Variants in HECW1 observed in about 807,000 individuals in gnomAD.
HECW1 encodes the protein HECT, C2 and WW domain containing E3 ubiquitin protein ligase 1.
Under a neutral mutation model 182.3 loss-of-function variants are expected in HECW1, and 61 were observed. That is an observed-to-expected ratio of 0.33 (90% confidence interval 0.27 to 0.41). The LOEUF (loss-of-function observed/expected upper bound fraction) is 0.41. HECW1 is among the 10% of genes least tolerant of loss of function. The probability of loss-of-function intolerance (pLI) is 1.00; values close to 1 mark genes in which losing one functional copy is unlikely to be tolerated. For missense variants in HECW1, 1,739 were observed against 2,108.9 expected (o/e 0.82, Z 3.44); for synonymous variants, 859 against 832.6 (o/e 1.03, Z -0.55).
In HECW1 at chr7:43,445,110, G is replaced by A. The variant is rs2077006119; in HGVS notation, c.1938G>A (p.Gln646=). ...CCAGCCTGGCCAATGGCGCGGCCCA[G>A]GATGGCGACACGCACCCCAGCACCG... ...HFPSLANGAA[Q]DGDTHPSTGS... The change falls in exon 11 of 30, where the codon CAG becomes CAA. Residue 646 remains glutamine, a synonymous_variant. Coordinates refer to ENST00000395891, the MANE Select transcript of HECW1 (RefSeq NM_015052.5). 1 of 1,607,700 alleles carries A rather than the reference G, an allele frequency of 6.2e-7. No individual in the cohort carries two copies. Among genetic ancestry groups the A allele is most frequent in the African/African-American group, 1.3e-5 (1 of 75,020 alleles).
chr7:43,188,093 T>A (rs1793575841), intron 2 of HECW1, among the ~76,000 whole-genome samples: 2 of 152,224 alleles, frequency 1.3e-5, no homozygotes. Flanking sequence ...GGATGTTCTC[T>A]GGGCACAGGG....
intron 2 of HECW1, chr7:43,239,771 C>T (rs1053136295): frequency 6.6e-6 from 1 of 152,162 alleles, no homozygotes; most frequent in African/African-American, 2.4e-5. Context: ...ATCACAAGCC[C>T]CCTTTGAGGA....
At chr7:43,456,002 AAAAG>A (rs1163171189) in intron 12 of HECW1, among the ~76,000 whole-genome samples, 1 of 152,186 alleles carries the variant, frequency 6.6e-6, no homozygotes, top group Non-Finnish European at 1.5e-5. Flanking sequence ...CTCTGTCTCA[AAAAG>A]AAAAAAAAAA....
At chr7:43,261,498 A>G (rs116580078) in intron 3 of HECW1, among the ~76,000 whole-genome samples, 2,077 of 152,170 alleles carry the variant, frequency 0.014, 49 homozygotes, top group African/African-American at 0.047. Context: ...GGCAGTTTAA[A>G]CCCTTGGGGG....
chr7:43,550,359 A>T (rs1392486254), intron 26 of HECW1, 86 bp from the exon 27 acceptor site: 5 of 1,464,942 alleles, frequency 3.4e-6, no homozygotes, highest in Non-Finnish European at 4.7e-6. Flanking sequence ...GATTTTTGGC[A>T]TACGGTCATC....
Position 43,396,864 on chromosome 7 carries a change from G to T in HECW1, c.606G>T (p.Arg202=). ...AGACCGTCCAAGGACAAGGAAGTCG[G>T]AGGCTGATCAGCTTCTCTCTCTCAG... ...ADETVQGQGS[R]RLISFSLSDF... Residue 202 remains arginine, a synonymous_variant, in exon 7 of 30, where the codon CGG becomes CGT. Transcript: ENST00000395891. 1 of 1,612,976 alleles carries T rather than the reference G, an allele frequency of 6.2e-7. No homozygotes were observed. The highest frequency in any genetic ancestry group is 8.5e-7 in the Non-Finnish European group (1 of 1,179,684).
intron 2 of HECW1, among the ~76,000 whole-genome samples, chr7:43,156,995 G>C (rs1789949843): frequency 6.6e-6 from 1 of 152,174 alleles, no homozygotes. Flanking sequence ...GGGGCTATTT[G>C]TTACCACAGC....
intron 16 of HECW1, among the ~76,000 whole-genome samples, chr7:43,479,333 C>T (rs907922567): frequency 6.6e-6 from 1 of 152,078 alleles, no homozygotes; most frequent in Non-Finnish European, 1.5e-5. Flanking sequence ...GGGGTTTGTG[C>T]TCCTATGAGA....
chr7:43,321,965 A>G (rs1810173960), intron 5 of HECW1, among the ~76,000 whole-genome samples: 1 of 152,260 alleles, frequency 6.6e-6, no homozygotes. Context: ...ATAGACAACG[A>G]GGAAATTTTT....
chr7:43,253,528 G>C (rs984915134), intron 3 of HECW1, among the ~76,000 whole-genome samples: 2 of 152,222 alleles, frequency 1.3e-5, no homozygotes, highest in Non-Finnish European at 2.9e-5. Context: ...TATGGCTGCT[G>C]ATAGCTCTGT....
At chr7:43,407,471 C>G (rs1405561904) in intron 7 of HECW1, 91 bp from the exon 8 acceptor site, 2 of 911,824 alleles carry the variant, frequency 2.2e-6, no homozygotes, top group African/African-American at 3.3e-5. Context: ...TCATAAGGGC[C>G]AATGGTCCTC....
At chr7:43,353,822 G>A (rs1814763150) in intron 5 of HECW1, among the ~76,000 whole-genome samples, 1 of 152,110 alleles carries the variant, frequency 6.6e-6, no homozygotes, top group Non-Finnish European at 1.5e-5. Context: ...AACTATCCCT[G>A]AGAGCAACCA....
At chr7:43,314,959 C>T (rs1350966093) in intron 4 of HECW1, among the ~76,000 whole-genome samples, 1 of 152,170 alleles carries the variant, frequency 6.6e-6, no homozygotes, top group African/African-American at 2.4e-5. Flanking sequence ...CCTCCCCTGG[C>T]TCAGGACTCA....
intron 6 of HECW1, among the ~76,000 whole-genome samples, chr7:43,389,976 AAGG>A (rs2074956564): frequency 6.6e-6 from 1 of 152,126 alleles, no homozygotes; most frequent in Admixed American, 6.5e-5. Context: ...TCTTTGCCTG[AAGG>A]AGATGTATTC....
intron 6 of HECW1, among the ~76,000 whole-genome samples, chr7:43,396,281 C>T (rs184541532): frequency 8.5e-5 from 13 of 152,140 alleles, no homozygotes; most frequent in African/African-American, 7.2e-5. Flanking sequence ...CTGAAATTTC[C>T]GAGGAAGGCA....
intron 2 of HECW1, among the ~76,000 whole-genome samples, chr7:43,227,973 A>G (rs1797575028): frequency 1.3e-5 from 2 of 152,268 alleles, no homozygotes; most frequent in South Asian, 4.1e-4. Flanking sequence ...GATGTTTTCA[A>G]AATAGTGCTA....
intron 3 of HECW1, among the ~76,000 whole-genome samples, chr7:43,294,575 G>C (rs1234564826): frequency 6.6e-6 from 1 of 152,150 alleles, no homozygotes; most frequent in African/African-American, 2.4e-5. Flanking sequence ...TTGGCTCCTC[G>C]GTCCCCATCC....
chr7:43,461,939 G>C (rs149483808), intron 13 of HECW1, among the ~76,000 whole-genome samples: 1 of 152,186 alleles, frequency 6.6e-6, no homozygotes, highest in Admixed American at 6.5e-5. Flanking sequence ...TAAAGAACTC[G>C]TTAGAAATGC....
intron 8 of HECW1, among the ~76,000 whole-genome samples, chr7:43,434,858 G>A (rs1364069300): frequency 6.6e-6 from 1 of 152,152 alleles, no homozygotes. Context: ...ACTGTAGGTA[G>A]AAATAGTCTC....
Sources: allele counts gnomAD v4.1 joint callset (sites outside exome capture counted in the v4.1 genomes callset), GRCh38; gene constraint gnomAD v4.1.1; transcripts MANE v1.5; gene names NCBI Gene and HGNC (gene_info 2026-07-23, HGNC 2026-07-21).